NADK: variants seen among roughly 807,000 people sequenced by gnomAD.
The protein encoded by NADK is poly(P)/ATP NAD kinase.
NADK carries 22 observed loss-of-function variants against 49.8 expected under a neutral mutation model. That is an observed-to-expected ratio of 0.44 (90% CI 0.32 to 0.63). The LOEUF (loss-of-function observed/expected upper bound fraction) is 0.63. Among genes scored for constraint, NADK ranks in the 30% least tolerant of loss-of-function variants. NADK has a pLI of 0.06. For missense variants in NADK, 438 were observed against 609.4 expected (o/e 0.72, Z 2.96); for synonymous variants, 268 against 253.7 (o/e 1.06, Z -0.54).
chr1:1,756,374 G>T (rs1645522633), intron 5 of NADK, 31 bp from the exon 6 acceptor site: 1 of 1,609,622 alleles, frequency 6.2e-7, no homozygotes, highest in Non-Finnish European at 8.5e-7. Flanking sequence ...CCAAGAAGAG[G>T]CTGTCACACA....
chr1:1,758,380 C>G, intron 3 of NADK: 1 of 1,610,578 alleles, frequency 6.2e-7, no homozygotes. Flanking sequence ...GCAGGCATTA[C>G]TGGGAGGCGT....
intron 11 of NADK, 99 bp from the exon 12 acceptor site, chr1:1,753,159 CTT>C (rs1645382929): frequency 3.5e-6 from 5 of 1,429,432 alleles, no homozygotes; most frequent in South Asian, 2.8e-5. Context: ...GGCCGGGACT[CTT>C]TTCCTGTGGG....
At chr1:1,769,762 T>C (rs1263266899) in intron 1 of NADK, among the ~76,000 whole-genome samples, 4 of 150,644 alleles carry the variant, frequency 2.7e-5, no homozygotes, top group Admixed American at 1.3e-4. Context: ...AAAAAAGACA[T>C]ACCAGTGTTT....
chr1:1,777,956 C>A (rs763793014), intron 1 of NADK, among the ~76,000 whole-genome samples: 23 of 152,220 alleles, frequency 1.5e-4, no homozygotes, highest in Non-Finnish European at 3.1e-4. Flanking sequence ...AAACCACCCA[C>A]GGAAGGCCGG....
At chr1:1,757,448 C>G in intron 3 of NADK, 138 bp from the exon 4 acceptor site, 2 of 731,194 alleles carry the variant, frequency 2.7e-6, no homozygotes, top group South Asian at 3.6e-5. Flanking sequence ...TGGCCACGGG[C>G]TCACAGGGCC....
intron 1 of NADK, among the ~76,000 whole-genome samples, chr1:1,767,362 C>G (rs976623436): frequency 6.6e-6 from 1 of 152,178 alleles, no homozygotes; most frequent in Non-Finnish European, 1.5e-5. Flanking sequence ...CTGGAACACC[C>G]AGAAGCTGGA....
chr1:1,760,805 C>T (rs1002418179), intron 3 of NADK, among the ~76,000 whole-genome samples: 8 of 152,066 alleles, frequency 5.3e-5, no homozygotes, highest in African/African-American at 1.9e-4. Context: ...CTACCAGGTG[C>T]AGAATACGAC....
At position 1,754,629 on chromosome 1, in the gene NADK, G is replaced by A. The variant is rs1158577988; in HGVS notation, c.758C>T (p.Thr253Met). The change falls in exon 8 of 12, where the codon ACG (threonine) becomes ATG (methionine). Residue 253 changes from threonine to methionine, a missense_variant. Coordinates refer to ENST00000341426, the MANE Select transcript of NADK (RefSeq NM_023018.5). This position sits in a 1 kb window ranked among gnomAD's most constrained non-coding sequence, Gnocchi z 4.3. ...CTCACCCAGCCCATTGTGCACGGCC[G>A]TCTTCTTCCCCCGGAGCTCCTTCAC... ...RVVKELRGKK[T>M]AVHNGLGENG... 16 of 1,613,734 alleles carry A rather than the reference G, an allele frequency of 9.9e-6. 1 individual carries two copies. The Middle Eastern group carries it at 6.6e-4, about 66-fold the overall frequency.
intron 1 of NADK, among the ~76,000 whole-genome samples, chr1:1,768,521 A>G (rs1409012781): frequency 1.3e-5 from 2 of 152,122 alleles, no homozygotes; most frequent in Non-Finnish European, 2.9e-5. Flanking sequence ...GTGCTGTTGC[A>G]CTCCAGCCTA....
intron 1 of NADK, among the ~76,000 whole-genome samples, chr1:1,773,882 G>A (rs936647287): frequency 6.6e-6 from 1 of 152,014 alleles, no homozygotes; most frequent in African/African-American, 2.4e-5. Context: ...CTACAGGCAT[G>A]AGCCACTATG....
rs574443901 is a variant in NADK, at chr1:1,769,318, G to A, written c.-40-3872C>T. On this transcript the variant is annotated intron_variant, in intron 1 of 11. Coordinates refer to ENST00000341426, the MANE Select transcript of NADK (RefSeq NM_023018.5). ...TCCCAGCACTTTGGAAGGCCGAAGC[G>A]GGCAGATCACCTGAGGTCAGATGTT... Among the ~76,000 whole-genome samples, 4 of 152,300 alleles carry A rather than the reference G, an allele frequency of 2.6e-5. No homozygotes were observed. In the East Asian group the frequency reaches 5.8e-4, roughly 22 times the overall value.
intron 7 of NADK, 118 bp downstream of exon 7, chr1:1,755,256 C>A: frequency 1.3e-6 from 1 of 761,900 alleles, no homozygotes; most frequent in Non-Finnish European, 2.2e-6. Flanking sequence ...ATCCCTGAAT[C>A]TTGAAACCTT....
rs1381441104 is a variant in NADK, at chr1:1,753,560, C to T, written c.1184+7G>A. Reference sequence around the variant, plus strand: ...AGGCAGCGCCCAGCCCGGCATGCAGCCCACACCTGTCTCCATGGCGGATCT... The same window carrying T: ...AGGCAGCGCCCAGCCCGGCATGCAGTCCACACCTGTCTCCATGGCGGATCT... On this transcript the variant is annotated splice_region_variant and intron_variant, in intron 11 of 11. Transcript: ENST00000341426. 4.3e-6 allele frequency: 7 copies of T among 1,610,236 alleles called. No individual in the cohort carries two copies. Among genetic ancestry groups the T allele is most frequent in the Non-Finnish European group, 5.9e-6 (7 of 1,178,030 alleles).
intron 11 of NADK, 53 bp from the exon 12 acceptor site, chr1:1,753,113 C>T (rs946103072): frequency 9.6e-5 from 150 of 1,558,286 alleles, no homozygotes; most frequent in Middle Eastern, 3.4e-4. Flanking sequence ...GGCCCACCCC[C>T]GGCCAAGAAC....
rs1178021001 is a variant in NADK at position 1,765,398 on chromosome 1, C to T, written c.9G>A (p.Met3Ile). The T allele has an allele frequency of 3.1e-6, 5 of 1,595,056 alleles. No homozygotes were observed. The highest frequency in any genetic ancestry group is 4.3e-6 in the Non-Finnish European group (5 of 1,169,620). The stretch of plus-strand genomic sequence containing the variant: ...TATTCATGGTCATTTTTTCTTGTTC[C>T]ATTTCCATTGTCAGGAAATGAGAAC... ME[M>I]EQEKMTMNKE... The change falls in exon 2 of 12, where the codon ATG (methionine) becomes ATA (isoleucine). Residue 3 changes from methionine to isoleucine, a missense_variant. Transcript: ENST00000341426.
At chr1:1,780,423 G>A (rs947614126), upstream of NADK, 1 of 152,158 alleles carries the variant, frequency 6.6e-6, no homozygotes, top group Non-Finnish European at 1.5e-5. Context: ...TGTGTAGGGA[G>A]CTCCAGCAGC....
At chr1:1,756,367 A>C (rs1043937419) in intron 5 of NADK, 24 bp from the exon 6 acceptor site, 2 of 1,612,246 alleles carry the variant, frequency 1.2e-6, no homozygotes, top group Non-Finnish European at 1.7e-6. Context: ...AGCAAAACCA[A>C]GAAGAGGCTG....
chr1:1,760,259 G>C (rs1645676587), intron 3 of NADK, among the ~76,000 whole-genome samples: 1 of 152,198 alleles, frequency 6.6e-6, no homozygotes, highest in Admixed American at 6.5e-5. Context: ...AGACACTCCG[G>C]GAACCAGTGG....
At chr1:1,773,676 TTGTGTGTGTG>T (rs57063985) in intron 1 of NADK, among the ~76,000 whole-genome samples, 3,544 of 116,680 alleles carry the variant, frequency 0.03, 140 homozygotes, top group African/African-American at 0.068. Flanking sequence ...AAGCTCTATT[TTGTGTGTGTG>T]TGTGTGTGTG....
Sources: gnomAD v4.1 joint callset for allele counts (sites outside exome capture counted in the v4.1 genomes callset) on GRCh38, gnomAD v4.1.1 for gene constraint, Gnocchi (gnomAD v3.1) non-coding constraint, MANE v1.5 for transcripts, NCBI Gene and HGNC (gene_info 2026-07-23, HGNC 2026-07-21) for gene names.